CEP112: variants seen among roughly 807,000 people sequenced by gnomAD.
CEP112 encodes centrosomal protein of 112 kDa.
Under a neutral mutation model 153.0 loss-of-function variants are expected in CEP112, and 127 were observed. The observed-to-expected ratio is 0.83, with a 90% CI of 0.72 to 0.96. The LOEUF is 0.96. Among genes scored for constraint, CEP112 ranks in the 40% least tolerant of loss-of-function variants. CEP112 has a pLI of 0.00. For synonymous variants in CEP112, 358 were observed against 374.4 expected, an observed-to-expected ratio of 0.96 and a Z score of 0.51; for missense variants, 1,089 against 1,101.2, an observed-to-expected ratio of 0.99 and a Z score of 0.16.
At chr17:66,070,034 T>C in intron 8 of CEP112, 33 bp from the exon 9 acceptor site, 1 of 1,334,286 alleles carries the variant, frequency 7.5e-7, no homozygotes, top group Middle Eastern at 1.8e-4. Context: ...GTGTTATTAA[T>C]TTACTTTCCC....
intron 20 of CEP112, among the ~76,000 whole-genome samples, chr17:65,895,967 C>G (rs751624918): frequency 2.6e-5 from 4 of 152,064 alleles, no homozygotes; most frequent in Non-Finnish European, 4.4e-5. Context: ...TATTTAATTA[C>G]CTCTTCTTCA....
At chr17:65,791,936 T>C (rs2054612686) in intron 21 of CEP112, among the ~76,000 whole-genome samples, 1 of 152,236 alleles carries the variant, frequency 6.6e-6, no homozygotes, top group South Asian at 2.1e-4. Flanking sequence ...TAATTATTTA[T>C]CTAATTCAAG....
chr17:66,029,843 G>C lies in CEP112; in HGVS notation c.1373+26C>G, dbSNP rs375198018. On this transcript the variant is annotated intron_variant, in intron 13 of 26. Coordinates refer to ENST00000535342, the MANE Select transcript of CEP112 (RefSeq NM_001199165.4). ...ATATCAGTACTTTATAGCTACACCT[G>C]ATAAATATCTGATTTCAGACAATAC... is the stretch of plus-strand genomic sequence containing the variant. 9.4e-6 allele frequency: 15 copies of C among 1,598,928 alleles called. No individual in the cohort carries two copies. In the South Asian group the frequency reaches 1.7e-4, roughly 18 times the overall value.
chr17:65,999,702 C>T (rs7222587), intron 17 of CEP112, among the ~76,000 whole-genome samples: 152,066 of 152,118 alleles, frequency 1, 76,007 homozygotes, highest in Non-Finnish European at 1. Context: ...TTATTTTTCC[C>T]GATCCTCTCC....
chr17:65,729,163 GT>G (rs1375476750), intron 23 of CEP112, among the ~76,000 whole-genome samples: 2 of 150,418 alleles, frequency 1.3e-5, no homozygotes, highest in Non-Finnish European at 3.0e-5. Flanking sequence ...TAATTTTTTT[GT>G]TTTTACTTTT....
At chr17:66,027,479 T>C (rs2145690595) in intron 16 of CEP112, 22 bp downstream of exon 16, 1 of 1,344,650 alleles carries the variant, frequency 7.4e-7, no homozygotes, top group East Asian at 3.0e-5. Context: ...AAATATTTTA[T>C]AGCTTCCATA....
chr17:66,150,755 C>G (rs1056594905), intron 4 of CEP112, among the ~76,000 whole-genome samples: 14 of 152,138 alleles, frequency 9.2e-5, no homozygotes, highest in Non-Finnish European at 1.5e-4. Flanking sequence ...ACTTTTTGGT[C>G]AAGTTGCTCC....
chr17:65,746,005 A>G, intron 22 of CEP112, among the ~76,000 whole-genome samples: 1 of 151,974 alleles, frequency 6.6e-6, no homozygotes, highest in East Asian at 1.9e-4. Flanking sequence ...CTCTTCTAAA[A>G]ATACAAAAAA....
chr17:66,078,789 C>T (rs2067606170), intron 8 of CEP112, among the ~76,000 whole-genome samples: 1 of 151,930 alleles, frequency 6.6e-6, no homozygotes, highest in East Asian at 1.9e-4. Flanking sequence ...ATTTAGAGCT[C>T]CTTTTAGCAC....
chr17:65,637,305 A>G (rs2044824898), intron 25 of CEP112, 117 bp from the exon 26 acceptor site: 2 of 723,116 alleles, frequency 2.8e-6, no homozygotes, highest in African/African-American at 3.5e-5. Context: ...AACTCAGAGG[A>G]TTTGTTGAAT....
chr17:65,801,889 C>T (rs948046116), intron 21 of CEP112, among the ~76,000 whole-genome samples: 1 of 152,078 alleles, frequency 6.6e-6, no homozygotes, highest in Non-Finnish European at 1.5e-5. Flanking sequence ...ATAAAGTGTG[C>T]CCATGCCACA....
At chr17:66,061,077 A>G (rs2066904546) in intron 11 of CEP112, among the ~76,000 whole-genome samples, 1 of 152,118 alleles carries the variant, frequency 6.6e-6, no homozygotes, top group African/African-American at 2.4e-5. Flanking sequence ...AAAAACAAAT[A>G]TTCTGATGAT....
rs1449997828 is a variant in CEP112 at position 66,033,050 on chromosome 17, T to C, written c.1219-3027A>G. On this transcript the variant is annotated intron_variant, in intron 12 of 26. Coordinates refer to ENST00000535342, the MANE Select transcript of CEP112 (RefSeq NM_001199165.4). ...AAGAAGCAAGAAAGATTATGCTGAA[T>C]GAAAAAAATCACACAAACCATTTTT... is the stretch of plus-strand genomic sequence containing the variant. Among the ~76,000 whole-genome samples the C allele has an allele frequency of 7.4e-5, 8 of 108,408 alleles. No individual in the cohort carries two copies. In the South Asian group the frequency reaches 1.6e-3, roughly 22 times the overall value. 71.1% of individuals were successfully genotyped at this position (108,408 alleles called of 152,430 possible).
At chr17:65,687,247 A>G (rs2144342878) in intron 24 of CEP112, among the ~76,000 whole-genome samples, 1 of 141,360 alleles carries the variant, frequency 7.1e-6, no homozygotes, top group South Asian at 2.2e-4. Flanking sequence ...GCTCACTGCA[A>G]CCTCCGCCTC....
intron 18 of CEP112, among the ~76,000 whole-genome samples, chr17:65,931,687 C>T (rs1372191657): frequency 6.6e-6 from 1 of 152,232 alleles, no homozygotes; most frequent in East Asian, 1.9e-4. Flanking sequence ...ATCTGCCAAG[C>T]TCAAGTCCCT....
chr17:66,184,679 CAGT>C (rs1463972759), intron 1 of CEP112, among the ~76,000 whole-genome samples: 12 of 152,180 alleles, frequency 7.9e-5, no homozygotes, highest in Admixed American at 7.9e-4. Context: ...CTCTGGAAAA[CAGT>C]TTGGCAGTTT....
chr17:65,787,141 G>A (rs1368987781), intron 21 of CEP112, among the ~76,000 whole-genome samples: 1 of 152,172 alleles, frequency 6.6e-6, no homozygotes, highest in African/African-American at 2.4e-5. Context: ...TGTGGTAGGA[G>A]GGAAATACTT....
At chr17:66,178,497 C>T (rs2072582586) in intron 2 of CEP112, among the ~76,000 whole-genome samples, 1 of 152,152 alleles carries the variant, frequency 6.6e-6, no homozygotes, top group South Asian at 2.1e-4. Flanking sequence ...AAGATTTTCT[C>T]TCATTCTCTG....
At chr17:65,768,275 A>T (rs2053121649) in intron 21 of CEP112, among the ~76,000 whole-genome samples, 1 of 152,144 alleles carries the variant, frequency 6.6e-6, no homozygotes, top group Admixed American at 6.6e-5. Flanking sequence ...ATATTCATTA[A>T]GTGGGAAGTG....
Sources: gnomAD v4.1 joint callset for allele counts (sites outside exome capture counted in the v4.1 genomes callset) on GRCh38, gnomAD v4.1.1 for gene constraint, MANE v1.5 for transcripts, NCBI Gene and HGNC (gene_info 2026-07-23, HGNC 2026-07-21) for gene names.